SELENOF: variants seen among roughly 807,000 people sequenced by gnomAD.
SELENOF encodes 15 kDa selenoprotein.
A neutral mutation model predicts 20.5 loss-of-function variants in SELENOF; 16 were observed. That is an observed-to-expected ratio of 0.78 (90% CI 0.53 to 1.19). The LOEUF is 1.19. Ranked by LOEUF, SELENOF falls within the 50% of genes most tolerant of loss-of-function variation. SELENOF has a pLI of 0.00. For missense variants in SELENOF, 215 were observed against 194.2 expected (o/e 1.11, Z -0.64); for synonymous variants, 78 against 74.5 (o/e 1.05, Z -0.24).
At chr1:86,865,020 A>T (rs1428995227) in intron 4 of SELENOF, among the ~76,000 whole-genome samples, 4 of 152,040 alleles carry the variant, frequency 2.6e-5, no homozygotes, top group Non-Finnish European at 5.9e-5. Flanking sequence ...TTTATTTATT[A>T]AAAAACTTAT....
At chr1:86,874,657 G>C (rs754829115) in intron 3 of SELENOF, among the ~76,000 whole-genome samples, 2 of 151,912 alleles carry the variant, frequency 1.3e-5, no homozygotes, top group Non-Finnish European at 2.9e-5. Context: ...GAAATGGGGG[G>C]ATAACAAAGA....
At chr1:86,865,197 T>G (rs1280907092) in intron 4 of SELENOF, among the ~76,000 whole-genome samples, 2 of 150,098 alleles carry the variant, frequency 1.3e-5, no homozygotes, top group East Asian at 3.9e-4. Context: ...CAAAGAACTC[T>G]TAAAGCTCAG....
chr1:86,863,715 CT>C, intron 4 of SELENOF, 110 bp from the exon 5 acceptor site: 1 of 915,926 alleles, frequency 1.1e-6, no homozygotes, highest in Non-Finnish European at 1.6e-6. Flanking sequence ...TAAAAAAAGG[CT>C]TTTAGACATG....
chr1:86,881,320 G>T (rs368489153), intron 2 of SELENOF, among the ~76,000 whole-genome samples: 11 of 152,264 alleles, frequency 7.2e-5, no homozygotes, highest in African/African-American at 2.6e-4. Context: ...TCTAGCTATA[G>T]AACCTGCACA....
chr1:86,882,608 A>C (rs1481826122), intron 2 of SELENOF, among the ~76,000 whole-genome samples: 1 of 152,180 alleles, frequency 6.6e-6, no homozygotes, highest in Non-Finnish European at 1.5e-5. Context: ...GTTTTGCAAA[A>C]AATTAAAAAT....
chr1:86,886,522 G>C (rs2102097313), intron 2 of SELENOF, among the ~76,000 whole-genome samples: 1 of 151,498 alleles, frequency 6.6e-6, no homozygotes, highest in East Asian at 1.9e-4. Flanking sequence ...CGAAAGGTTA[G>C]TATTAAAGCA....
At chr1:86,905,479 T>C (rs890091546) in intron 1 of SELENOF, among the ~76,000 whole-genome samples, 1 of 152,154 alleles carries the variant, frequency 6.6e-6, no homozygotes, top group Non-Finnish European at 1.5e-5. Flanking sequence ...ACCAAAAAAA[T>C]CAGATCTCAA....
intron 3 of SELENOF, among the ~76,000 whole-genome samples, chr1:86,873,514 T>C (rs1267130265): frequency 6.6e-5 from 10 of 152,170 alleles, no homozygotes; most frequent in Admixed American, 6.5e-4. Context: ...ATCTGAAATG[T>C]AGCTAGTGTG....
chr1:86,873,852 C>CA (rs56407738), intron 3 of SELENOF, among the ~76,000 whole-genome samples: 85 of 131,542 alleles, frequency 6.5e-4, no homozygotes, highest in South Asian at 2.3e-3. Context: ...AACTCCGTCT[C>CA]AAAAAAAAAA....
rs1220660261 is a variant in SELENOF, at chr1:86,863,343, T to C, written c.*131A>G. Reference sequence around the variant, plus strand: ...CATGGACTATACTGCCATTTCACGATTTAATTAGATATTTAATGCCTCAAG... The same window carrying C: ...CATGGACTATACTGCCATTTCACGACTTAATTAGATATTTAATGCCTCAAG... On this transcript the variant is annotated 3_prime_UTR_variant, in exon 5 of 5. Transcript: ENST00000331835. 4 of 761,052 alleles carry C rather than the reference T, an allele frequency of 5.3e-6. No individual in the cohort carries two copies. The highest frequency in any genetic ancestry group is 8.1e-6 in the Non-Finnish European group (4 of 495,690). The allele number at this position is 761,052 out of a possible 1,614,324, so 47.1% of individuals were successfully genotyped here.
At chr1:86,912,998 T>C (rs1660025256) in intron 1 of SELENOF, among the ~76,000 whole-genome samples, 1 of 152,076 alleles carries the variant, frequency 6.6e-6, no homozygotes, top group African/African-American at 2.4e-5. Context: ...GGAGAGGTGA[T>C]CCAGTAATTC....
chr1:86,866,264 G>GT (rs1491032400), intron 4 of SELENOF, among the ~76,000 whole-genome samples: 1 of 143,562 alleles, frequency 7.0e-6, no homozygotes, highest in African/African-American at 2.7e-5. Flanking sequence ...GTGTGTGTGT[G>GT]TAGTGGAATA....
chr1:86,869,857 C>T (rs1240002829), intron 3 of SELENOF, among the ~76,000 whole-genome samples: 3 of 152,030 alleles, frequency 2.0e-5, no homozygotes, highest in Non-Finnish European at 2.9e-5. Context: ...TCACTGCAAC[C>T]TCTGCTTCCC....
At chr1:86,869,166 T>C (rs1658688405) in intron 3 of SELENOF, among the ~76,000 whole-genome samples, 1 of 152,214 alleles carries the variant, frequency 6.6e-6, no homozygotes, top group Non-Finnish European at 1.5e-5. Flanking sequence ...ACATCCTTCC[T>C]GAAGGGTATT....
chr1:86,883,488 T>C (rs1249735036), intron 2 of SELENOF, among the ~76,000 whole-genome samples: 2 of 151,864 alleles, frequency 1.3e-5, no homozygotes, highest in Non-Finnish European at 2.9e-5. Context: ...TAGTGTATAG[T>C]GTACGTACAC....
chr1:86,900,413 C>T (rs1450804699), intron 2 of SELENOF, among the ~76,000 whole-genome samples: 1 of 149,392 alleles, frequency 6.7e-6, no homozygotes, highest in Admixed American at 6.6e-5. Flanking sequence ...CAGCGAAACC[C>T]CGTCTCCACC....
chr1:86,866,741 A>C (rs779734401), intron 4 of SELENOF, among the ~76,000 whole-genome samples: 2 of 152,246 alleles, frequency 1.3e-5, no homozygotes, highest in Non-Finnish European at 2.9e-5. Flanking sequence ...ATTGCAAATT[A>C]AAATAACAAT....
chr1:86,868,480 G>T (rs931124364), intron 3 of SELENOF, among the ~76,000 whole-genome samples: 2 of 152,036 alleles, frequency 1.3e-5, no homozygotes, highest in South Asian at 2.1e-4. Context: ...ACAGATAAAA[G>T]AATAGAATAG....
chr1:86,868,154 G>C (rs1408345760), intron 3 of SELENOF, 52 bp from the exon 4 acceptor site: 1 of 841,032 alleles, frequency 1.2e-6, no homozygotes, highest in Non-Finnish European at 1.9e-6. Context: ...ATCCAAGCTA[G>C]CTAAAAAGAT....
Sources: gnomAD v4.1 joint callset for allele counts (sites outside exome capture counted in the v4.1 genomes callset) on GRCh38, gnomAD v4.1.1 for gene constraint, MANE v1.5 for transcripts, NCBI Gene and HGNC (gene_info 2026-07-23, HGNC 2026-07-21) for gene names.